The following SUN1 variants were observed in gnomAD, a reference collection of about 807,000 sequenced individuals.
SUN1 encodes SUN domain-containing protein 1.
Under a neutral mutation model 103.2 loss-of-function variants are expected in SUN1, and 61 were observed. The observed-to-expected ratio is 0.59, with a 90% CI of 0.48 to 0.73. The LOEUF is 0.73. SUN1 is among the 30% of genes least tolerant of loss of function. The pLI is 0.00. For synonymous variants in SUN1, 490 were observed against 425.7 expected, an observed-to-expected ratio of 1.15 and a Z score of -1.86; for missense variants, 1,052 against 1,034.6, an observed-to-expected ratio of 1.02 and a Z score of -0.23.
upstream of SUN1, chr7:832,055 C>T: frequency 1.0e-6 from 1 of 988,996 alleles, no homozygotes; most frequent in Non-Finnish European, 1.2e-6. Context: ...GTGAGAGCTT[C>T]AGCCATCTAG....
rs530474749 is a variant in SUN1 at position 844,517 on chromosome 7, G to A, written c.658+997G>A. On this transcript the variant is annotated intron_variant, in intron 5 of 18. Transcript: ENST00000401592. ...TCTGCCCTAAGATTTCTCGCATCTC[G>A]TTTTTACCATCTTGTCTTCGTGGCC... 3.6e-3 allele frequency among the ~76,000 whole-genome samples: 550 copies of A among 152,328 alleles called. 3 individuals carry two copies. The highest frequency in any genetic ancestry group is 0.012 in the African/African-American group (504 of 41,574).
intron 1 of SUN1, among the ~76,000 whole-genome samples, chr7:838,197 CGT>C (rs1244185927): frequency 7.2e-5 from 11 of 152,150 alleles, no homozygotes; most frequent in Non-Finnish European, 2.9e-5. Context: ...GGATTGCAGG[CGT>C]GAACCACTGT....
chr7:822,429 G>A lies in SUN1; in HGVS notation c.-74+5756G>A, dbSNP rs114187986. On this transcript the variant is annotated intron_variant, in intron 1 of 17. Coordinates refer to the SUN1 transcript ENST00000389574. Reference sequence around the variant, plus strand: ...AAACTGTAGGTCTCAGACAAGCAGCGTGGATGTCATCACATCCAGGTGCCG... The same window carrying A: ...AAACTGTAGGTCTCAGACAAGCAGCATGGATGTCATCACATCCAGGTGCCG... 3.0e-3 allele frequency among the ~76,000 whole-genome samples: 456 copies of A among 152,334 alleles called. 5 individuals are homozygous for A. Among genetic ancestry groups the A allele is most frequent in the African/African-American group, 0.011 (437 of 41,586 alleles).
upstream of SUN1, among the ~76,000 whole-genome samples, chr7:828,412 C>T (rs1448093918): frequency 1.3e-5 from 2 of 151,902 alleles, no homozygotes; most frequent in Non-Finnish European, 2.9e-5. Context: ...GCTGGGATTA[C>T]AGGCGCCCGC....
At chr7:826,438 C>T (rs913539331) in intron 1 of SUN1, among the ~76,000 whole-genome samples, 1 of 152,198 alleles carries the variant, frequency 6.6e-6, no homozygotes, top group African/African-American at 2.4e-5. Flanking sequence ...TCTGGCGAAA[C>T]ATCGCTGCCC....
intron 14 of SUN1, 80 bp downstream of exon 14, chr7:860,462 T>A (rs1831315782): frequency 6.4e-7 from 1 of 1,564,578 alleles, no homozygotes; most frequent in African/African-American, 1.4e-5. Flanking sequence ...GAGGTGTGGA[T>A]GTTGATGTCT....
In SUN1 at chr7:860,051, A is replaced by G. The variant is rs575003592; in HGVS notation, c.1525-77A>G. 14 of 1,539,672 alleles carry G rather than the reference A, an allele frequency of 9.1e-6. No individual in the cohort carries two copies. In the African/African-American group the frequency reaches 1.5e-4, roughly 16 times the overall value. Reference sequence around the variant, plus strand: ...AGAGGATATATAATTCTTCTGAGGTATCTAAGATAATGGACCCGAACAGTG... The same window carrying G: ...AGAGGATATATAATTCTTCTGAGGTGTCTAAGATAATGGACCCGAACAGTG... On this transcript the variant is annotated intron_variant, in intron 13 of 18. Coordinates refer to ENST00000401592, the MANE Select transcript of SUN1 (RefSeq NM_001130965.3).
chr7:863,295 C>T (rs1432022980), intron 15 of SUN1, among the ~76,000 whole-genome samples: 2 of 150,216 alleles, frequency 1.3e-5, no homozygotes, highest in Non-Finnish European at 3.0e-5. Context: ...CTCCCGAGCT[C>T]GCCCTTGCTG....
chr7:846,957 G>A (rs1442701552), intron 5 of SUN1, among the ~76,000 whole-genome samples: 2 of 152,150 alleles, frequency 1.3e-5, no homozygotes, highest in Non-Finnish European at 2.9e-5. Flanking sequence ...AGGCTGCAGT[G>A]AGCTATGATC....
At chr7:839,053 T>G in intron 2 of SUN1, 67 bp downstream of exon 2, 1 of 1,440,902 alleles carries the variant, frequency 6.9e-7, no homozygotes. Flanking sequence ...TTCCATACTT[T>G]TTGGTCTGTA....
At chr7:846,905 T>C (rs1436339314) in intron 5 of SUN1, among the ~76,000 whole-genome samples, 2 of 152,020 alleles carry the variant, frequency 1.3e-5, no homozygotes, top group East Asian at 3.9e-4. Context: ...TCCCAGCTAC[T>C]TGGGCGGCTG....
intron 5 of SUN1, among the ~76,000 whole-genome samples, chr7:847,273 C>T (rs377571738): frequency 1.9e-4 from 28 of 151,236 alleles, no homozygotes; most frequent in African/African-American, 5.8e-4. Context: ...GGGGTTACCC[C>T]GCAGCGCCGT....
intron 17 of SUN1, among the ~76,000 whole-genome samples, chr7:870,205 TAAAAA>T (rs34486427): frequency 7.3e-6 from 1 of 137,200 alleles, no homozygotes; most frequent in Non-Finnish European, 1.5e-5. Context: ...ACCCTGTCTT[TAAAAA>T]AAAAAAAAAA....
At chr7:827,272 C>T (rs573583549) in intron 1 of SUN1, among the ~76,000 whole-genome samples, 8 of 152,036 alleles carry the variant, frequency 5.3e-5, no homozygotes, top group Non-Finnish European at 1.0e-4. Context: ...TCCTCCTGCC[C>T]GCCTTGGCCT....
Position 826,926 on chromosome 7 carries a change from G to A in SUN1, c.-74+10253G>A, listed in dbSNP as rs543497344. Among the ~76,000 whole-genome samples, 223 of 152,320 alleles carry A rather than the reference G, an allele frequency of 1.5e-3. 2 individuals are homozygous for A. Among genetic ancestry groups the A allele is most frequent in the African/African-American group, 5.0e-3 (208 of 41,566 alleles). ...AGGCTGAAGGGAAGTGCTGCCTGCA[G>A]GTTTTAAAGTTTGCCTTTTCCAGTT... On this transcript the variant is annotated intron_variant, in intron 1 of 17. Transcript: ENST00000389574.
intron 12 of SUN1, among the ~76,000 whole-genome samples, chr7:856,628 G>A (rs868816235): frequency 3.3e-5 from 5 of 152,312 alleles, no homozygotes; most frequent in Middle Eastern, 6.8e-3. Flanking sequence ...TCTGTAGTTA[G>A]CACTCTCAAA....
rs1341341793 is a variant in SUN1, at chr7:872,525, A to G, written c.2204A>G (p.Asp735Gly). 2 of 1,602,404 alleles carry G rather than the reference A, an allele frequency of 1.2e-6. No homozygotes were observed. The highest frequency in any genetic ancestry group is 3.4e-5 in the Admixed American group (2 of 58,334). Residue 735 changes from aspartate (D) to glycine (G), a missense_variant, in exon 18 of 19, where the codon GAT becomes GGT. Physicochemically the swap from Asp to Gly is moderately conservative, Grantham distance 94. Transcript: ENST00000401592. ...CAGCTTCTGGGACAGTTCACGTATGATCAGGATGGGGAGTCGCTCCAGATG... is the reference window on the plus strand; with the variant it reads ...CAGCTTCTGGGACAGTTCACGTATGGTCAGGATGGGGAGTCGCTCCAGATG... ...EGQLLGQFTYDQDGESLQMFQ... is the reference protein window; with the variant it reads ...EGQLLGQFTYGQDGESLQMFQ...
chr7:843,756 C>A, intron 5 of SUN1: 6 of 1,427,160 alleles, frequency 4.2e-6, no homozygotes, highest in Non-Finnish European at 5.5e-6. Context: ...TTGGACTTGA[C>A]GTGAGCAAAA....
chr7:852,434 C>G, intron 7 of SUN1, 175 bp from the exon 8 acceptor site: 1 of 721,878 alleles, frequency 1.4e-6, no homozygotes, highest in Middle Eastern at 3.8e-4. Context: ...CTCAAAGACA[C>G]CATTTTACAT....
Sources: allele counts gnomAD v4.1 joint callset (sites outside exome capture counted in the v4.1 genomes callset), GRCh38; gene constraint gnomAD v4.1.1; transcripts MANE v1.5; gene names NCBI Gene and HGNC (gene_info 2026-07-23, HGNC 2026-07-21).